FAM120A: variants seen among roughly 807,000 people sequenced by gnomAD.
The protein encoded by FAM120A is family with sequence similarity 120 member A.
A neutral mutation model predicts 109.7 loss-of-function variants in FAM120A; 15 were observed. The ratio of observed to expected loss-of-function variants is 0.14; its 90% CI spans 0.09 to 0.21. The LOEUF (loss-of-function observed/expected upper bound fraction) is 0.21. FAM120A is among the 10% of genes least tolerant of loss of function. The pLI is 1.00. For synonymous variants in FAM120A, 493 were observed against 572.8 expected, an observed-to-expected ratio of 0.86 and a Z score of 1.99; for missense variants, 899 against 1,439.3, an observed-to-expected ratio of 0.62 and a Z score of 6.07.
chr9:93,521,555 C>G (rs898751248), intron 7 of FAM120A, among the ~76,000 whole-genome samples: 139 of 150,942 alleles, frequency 9.2e-4, no homozygotes, highest in Non-Finnish European at 2.1e-4. Context: ...GCAGTCCAGC[C>G]GGGCAACAGA....
chr9:93,561,917 A>G (rs1862482133), intron 16 of FAM120A, among the ~76,000 whole-genome samples: 1 of 152,200 alleles, frequency 6.6e-6, no homozygotes, highest in African/African-American at 2.4e-5. Flanking sequence ...ATTGGATATG[A>G]ACCAAAAAAA....
chr9:93,466,624 G>A (rs1858031979), intron 1 of FAM120A, among the ~76,000 whole-genome samples: 1 of 152,042 alleles, frequency 6.6e-6, no homozygotes, highest in African/African-American at 2.4e-5. Flanking sequence ...CTGTGTCTAG[G>A]CCCTCATAGC....
intron 5 of FAM120A, among the ~76,000 whole-genome samples, chr9:93,513,052 T>G (rs1860405182): frequency 6.6e-6 from 1 of 152,130 alleles, no homozygotes; most frequent in Admixed American, 6.5e-5. Context: ...GCTACATGAG[T>G]CTAGCCTTAG....
chr9:93,492,019 G>C (rs530860686), intron 3 of FAM120A, among the ~76,000 whole-genome samples: 1 of 152,278 alleles, frequency 6.6e-6, no homozygotes, highest in African/African-American at 2.4e-5. Context: ...GCTGTGATGA[G>C]ATGAACCATG....
Position 93,485,061 on chromosome 9 carries a change from A to G in FAM120A, c.804+8723A>G, listed in dbSNP as rs369057136. 5.9e-5 allele frequency among the ~76,000 whole-genome samples: 9 copies of G among 152,236 alleles called. No individual in the cohort carries two copies. The East Asian group carries it at 9.7e-4, about 16-fold the overall frequency. ...GCTTAGCATATTCACCTTCCTCTGA[A>G]TGCCATGGTGACACGTGTGAATTAG... On this transcript the variant is annotated intron_variant, in intron 3 of 17. Transcript: ENST00000277165.
At chr9:93,459,772 G>A (rs1221744404) in intron 1 of FAM120A, among the ~76,000 whole-genome samples, 1 of 152,182 alleles carries the variant, frequency 6.6e-6, no homozygotes, top group East Asian at 1.9e-4. Flanking sequence ...TTAACTGAAG[G>A]CATCTATTGG....
At chr9:93,482,214 G>A (rs1858846423) in intron 3 of FAM120A, among the ~76,000 whole-genome samples, 2 of 134,304 alleles carry the variant, frequency 1.5e-5, no homozygotes, top group South Asian at 4.6e-4. Context: ...GGGAGACGGA[G>A]TTTTGCTCCC....
intron 10 of FAM120A, among the ~76,000 whole-genome samples, chr9:93,536,322 G>C (rs1861515306): frequency 6.6e-6 from 1 of 152,226 alleles, no homozygotes; most frequent in East Asian, 1.9e-4. Context: ...GCTTTCTGAT[G>C]TGATCTGGCA....
chr9:93,515,077 C>G (rs1047282831), intron 5 of FAM120A, among the ~76,000 whole-genome samples: 2 of 146,924 alleles, frequency 1.4e-5, no homozygotes, highest in African/African-American at 4.9e-5. Flanking sequence ...CACAGAATCA[C>G]AAATTACTCA....
intron 11 of FAM120A, among the ~76,000 whole-genome samples, chr9:93,544,266 G>A (rs565514476): frequency 1.3e-5 from 2 of 152,198 alleles, no homozygotes; most frequent in Non-Finnish European, 2.9e-5. Context: ...TGCCCTACAA[G>A]ATGCTTCAGG....
chr9:93,536,503 A>G (rs780652537), intron 10 of FAM120A, among the ~76,000 whole-genome samples: 1 of 152,254 alleles, frequency 6.6e-6, no homozygotes, highest in East Asian at 1.9e-4. Context: ...AGATGGCCTT[A>G]TTATCAGACA....
rs760488619 is a variant in FAM120A at position 93,532,337 on chromosome 9, C to A, written c.1909+8C>A. On this transcript the variant is annotated splice_region_variant and intron_variant, in intron 10 of 17. Transcript: ENST00000277165. This position sits in a 1 kb window ranked among gnomAD's most constrained non-coding sequence, Gnocchi z 4.3. ...ACAGACTTCCACCAGAATGTATGTA[C>A]TGTAACAATCCATTGTTTGTTTTCC... 1 of 1,613,618 alleles carries A rather than the reference C, an allele frequency of 6.2e-7. No homozygotes were observed. Among genetic ancestry groups the A allele is most frequent in the Non-Finnish European group, 8.5e-7 (1 of 1,179,514 alleles).
chr9:93,527,460 A>G (rs899468528), intron 8 of FAM120A, among the ~76,000 whole-genome samples: 2 of 152,052 alleles, frequency 1.3e-5, no homozygotes, highest in Admixed American at 1.3e-4. Flanking sequence ...TTGTTTGCTC[A>G]CTGTGTCATC....
intron 1 of FAM120A, among the ~76,000 whole-genome samples, chr9:93,468,272 T>A (rs970074305): frequency 6.6e-6 from 1 of 152,226 alleles, no homozygotes; most frequent in Non-Finnish European, 1.5e-5. Flanking sequence ...ATTTAAGGAA[T>A]CTTTGGGGAA....
At chr9:93,557,334 T>C (rs1395375710) in intron 13 of FAM120A, among the ~76,000 whole-genome samples, 1 of 152,122 alleles carries the variant, frequency 6.6e-6, no homozygotes, top group Non-Finnish European at 1.5e-5. Context: ...TTTGCTATGT[T>C]GGTCAGGCTG....
At chr9:93,489,490 A>G (rs1859217057) in intron 3 of FAM120A, among the ~76,000 whole-genome samples, 1 of 152,234 alleles carries the variant, frequency 6.6e-6, no homozygotes, top group South Asian at 2.1e-4. Context: ...CCAGTAGGAC[A>G]GCTGAAGCCA....
At chr9:93,529,799 C>T (rs1861256415) in intron 9 of FAM120A, 2 of 611,130 alleles carry the variant, frequency 3.3e-6, no homozygotes, top group South Asian at 4.1e-5. Flanking sequence ...TTTTTTCCTT[C>T]AACTTAGTAT....
At chr9:93,480,440 C>G (rs567557360) in intron 3 of FAM120A, among the ~76,000 whole-genome samples, 1 of 152,254 alleles carries the variant, frequency 6.6e-6, no homozygotes, top group African/African-American at 2.4e-5. Context: ...AGGCCCAGGT[C>G]CTGCAGAACA....
intron 10 of FAM120A, among the ~76,000 whole-genome samples, chr9:93,537,721 A>G (rs1176419390): frequency 2.6e-5 from 4 of 152,148 alleles, no homozygotes; most frequent in Non-Finnish European, 4.4e-5. Flanking sequence ...TTGTGCTAAT[A>G]ATTGGAATTG....
Sources: allele counts gnomAD v4.1 joint callset (sites outside exome capture counted in the v4.1 genomes callset), GRCh38; gene constraint gnomAD v4.1.1; non-coding constraint Gnocchi (gnomAD v3.1); transcripts MANE v1.5; gene names NCBI Gene and HGNC (gene_info 2026-07-23, HGNC 2026-07-21).